The following ZBTB20 variants were observed in gnomAD, a reference collection of about 807,000 sequenced individuals.
The protein encoded by ZBTB20 is zinc finger and BTB domain containing 20.
ZBTB20 carries 9 observed loss-of-function variants against 56.9 expected under a neutral mutation model. The observed-to-expected ratio is 0.16, with a 90% confidence interval of 0.10 to 0.28. The LOEUF (loss-of-function observed/expected upper bound fraction) is 0.28, where lower values mean the gene tolerates loss of function less well. ZBTB20 is among the 10% of genes least tolerant of loss of function. The pLI is 1.00. For missense variants in ZBTB20, 655 were observed against 1,003.0 expected, an observed-to-expected ratio of 0.65 and a Z score of 4.69; for synonymous variants, 417 against 420.7, an observed-to-expected ratio of 0.99 and a Z score of 0.11.
intron 1 of ZBTB20, among the ~76,000 whole-genome samples, chr3:115,131,511 G>C (rs1269609606): frequency 6.6e-6 from 1 of 152,042 alleles, no homozygotes; most frequent in Non-Finnish European, 1.5e-5. Context: ...GCATTACCTT[G>C]TTAATGGGAT....
chr3:114,354,560 C>G (rs983352052), intron 10 of ZBTB20, among the ~76,000 whole-genome samples: 2 of 118,206 alleles, frequency 1.7e-5, no homozygotes, highest in African/African-American at 2.7e-5. Flanking sequence ...GTGTTCTGAA[C>G]AGGTTTTTTT....
At chr3:114,918,986 G>T (rs982067154) in intron 3 of ZBTB20, among the ~76,000 whole-genome samples, 3 of 152,128 alleles carry the variant, frequency 2.0e-5, no homozygotes, top group Non-Finnish European at 4.4e-5. Context: ...AGTTTATTTA[G>T]GACCCCAGAG....
At chr3:114,456,518 A>T (rs1034916376) in intron 7 of ZBTB20, among the ~76,000 whole-genome samples, 5 of 152,170 alleles carry the variant, frequency 3.3e-5, no homozygotes, top group African/African-American at 1.2e-4. Flanking sequence ...TGAGTCTTTC[A>T]GCATACTATG....
chr3:114,528,711 A>G (rs2047507684), intron 6 of ZBTB20: 1 of 152,146 alleles, frequency 6.6e-6, no homozygotes, highest in African/African-American at 2.4e-5. Flanking sequence ...ACATCCAGAG[A>G]GCATGACCTC....
intron 6 of ZBTB20, among the ~76,000 whole-genome samples, chr3:114,595,905 TG>T (rs963478337): frequency 6.6e-6 from 1 of 152,236 alleles, no homozygotes; most frequent in Non-Finnish European, 1.5e-5. Flanking sequence ...AAGTCCAATA[TG>T]CTATCATCTA....
At chr3:114,675,296 T>C (rs1306074604) in intron 6 of ZBTB20, among the ~76,000 whole-genome samples, 1 of 137,698 alleles carries the variant, frequency 7.3e-6, no homozygotes, top group Non-Finnish European at 1.5e-5. Flanking sequence ...CAATGAATAT[T>C]ATCATATTTT....
intron 5 of ZBTB20, among the ~76,000 whole-genome samples, chr3:114,786,307 A>C (rs959362099): frequency 4.6e-5 from 7 of 151,308 alleles, no homozygotes; most frequent in African/African-American, 1.7e-4. Flanking sequence ...CCCACTCCCC[A>C]ACAGGCCCCA....
At chr3:115,063,868 T>C (rs534022514) in intron 2 of ZBTB20, among the ~76,000 whole-genome samples, 11 of 152,318 alleles carry the variant, frequency 7.2e-5, no homozygotes, top group Admixed American at 2.0e-4. Context: ...CTTCCTATCA[T>C]GGCAGAAGAC....
At chr3:115,092,673 G>T (rs900220887) in intron 1 of ZBTB20, among the ~76,000 whole-genome samples, 2 of 152,032 alleles carry the variant, frequency 1.3e-5, no homozygotes, top group African/African-American at 4.8e-5. Context: ...GGCCAGTGGA[G>T]AGGAGTGGAG....
chr3:114,854,136 G>A (rs2075133529), intron 4 of ZBTB20, among the ~76,000 whole-genome samples: 1 of 152,030 alleles, frequency 6.6e-6, no homozygotes, highest in African/African-American at 2.4e-5. Flanking sequence ...GCCCACCCAA[G>A]CCTCAGTTCT....
chr3:114,537,640 A>G (rs1313582936), intron 6 of ZBTB20, among the ~76,000 whole-genome samples: 1 of 152,212 alleles, frequency 6.6e-6, no homozygotes, highest in Non-Finnish European at 1.5e-5. Context: ...TACTGAGTAC[A>G]TACCCAAAGT....
chr3:114,407,674 A>G (rs1325710825), intron 7 of ZBTB20, among the ~76,000 whole-genome samples: 1 of 152,190 alleles, frequency 6.6e-6, no homozygotes, highest in Non-Finnish European at 1.5e-5. Context: ...CACTGGGAAA[A>G]CATTAAAAAC....
chr3:114,765,177 C>T (rs1398219796), intron 5 of ZBTB20, among the ~76,000 whole-genome samples: 3 of 152,092 alleles, frequency 2.0e-5, no homozygotes, highest in African/African-American at 7.2e-5. Context: ...TGGTAAAGCT[C>T]TGCACAAAAA....
chr3:115,119,871 C>G (rs2084130859), intron 1 of ZBTB20, among the ~76,000 whole-genome samples: 1 of 151,774 alleles, frequency 6.6e-6, no homozygotes, highest in African/African-American at 2.4e-5. Flanking sequence ...TAATAAAAGT[C>G]AATAGATGGA....
At position 114,974,372 on chromosome 3, in the gene ZBTB20, C is replaced by A. The variant is rs1359836519; in HGVS notation, c.-462G>T. 1 of 152,064 alleles carries A rather than the reference C, an allele frequency of 6.6e-6. No homozygotes were observed. The highest frequency in any genetic ancestry group is 1.5e-5 in the Non-Finnish European group (1 of 67,954). 9.4% of individuals were successfully genotyped at this position (152,064 alleles called of 1,614,324 possible). A position where few individuals can be genotyped will look rare whatever the true frequency, so the allele number is the denominator to read the frequency against. Reference sequence around the variant, plus strand: ...AAATACCACTGGACATTACCTTCAGCCTTCAGAGTCCCAAAGGCAATTCTT... The same window carrying A: ...AAATACCACTGGACATTACCTTCAGACTTCAGAGTCCCAAAGGCAATTCTT... On this transcript the variant is annotated 5_prime_UTR_variant, in exon 3 of 12. Transcript: ENST00000675478.
chr3:114,990,757 C>T (rs2108148458), intron 2 of ZBTB20, among the ~76,000 whole-genome samples: 1 of 152,144 alleles, frequency 6.6e-6, no homozygotes, highest in East Asian at 1.9e-4. Flanking sequence ...GGTTGGTAGG[C>T]TATTAATTAT....
intron 6 of ZBTB20, among the ~76,000 whole-genome samples, chr3:114,582,699 A>G (rs2054776808): frequency 6.6e-6 from 1 of 152,180 alleles, no homozygotes; most frequent in African/African-American, 2.4e-5. Context: ...AATATTTTAC[A>G]TTAGAAAATG....
At position 114,380,274 on chromosome 3, in the gene ZBTB20, G is replaced by C. The variant is rs1272917077; in HGVS notation, c.142C>G (p.Leu48Val). Residue 48 changes from leucine (L) to valine (V), a missense_variant, in exon 10 of 12, where the codon CTC becomes GTC. Leu to Val is a conservative substitution (Grantham distance 32). Around this residue, in one of 10 missense-constraint regions of ZBTB20, gnomAD observed 79 missense variants for 78.4 expected, o/e 1.01. Transcript: ENST00000675478. Reference protein sequence around the residue: ...FEAVLSPDPALIHSTHSLTNS... With the variant: ...FEAVLSPDPAVIHSTHSLTNS... ...GTCAGTGAATGTGTTGAGTGGATGA[G>C]GGCTGGGTCTGGAGACAAAACAGCT... 6.5e-7 allele frequency: 1 copy of C among 1,537,180 alleles called. No homozygotes were observed. The highest frequency in any genetic ancestry group is 2.0e-5 in the Admixed American group (1 of 51,002).
intron 6 of ZBTB20, among the ~76,000 whole-genome samples, chr3:114,558,993 A>G (rs1359123633): frequency 6.6e-6 from 1 of 152,108 alleles, no homozygotes; most frequent in Non-Finnish European, 1.5e-5. Context: ...CTTACATGCC[A>G]TCCGTGTGAG....
Sources: gnomAD v4.1 joint callset for allele counts (sites outside exome capture counted in the v4.1 genomes callset) on GRCh38, gnomAD v4.1.1 for gene constraint, gnomAD v4.1.1 regional missense constraint, MANE v1.5 for transcripts, NCBI Gene and HGNC (gene_info 2026-07-23, HGNC 2026-07-21) for gene names.